CSMD3: variants seen among roughly 807,000 people sequenced by gnomAD.
The protein encoded by CSMD3 is CUB and Sushi multiple domains 3.
Under a neutral mutation model 435.2 loss-of-function variants are expected in CSMD3, and 177 were observed. The ratio of observed to expected loss-of-function variants is 0.41; its 90% CI spans 0.36 to 0.46. The LOEUF is 0.46. Among genes scored for constraint, CSMD3 ranks in the 20% least tolerant of loss-of-function variants. The pLI, the probability that CSMD3 is intolerant of heterozygous loss-of-function variation, is 0.34. For missense variants in CSMD3, 4,265 were observed against 4,504.6 expected (o/e 0.95, Z 1.52); for synonymous variants, 1,656 against 1,520.5 (o/e 1.09, Z -2.07).
Position 112,336,640 on chromosome 8 carries a change from G to A in CSMD3, c.7019+12C>T, listed in dbSNP as rs780029060. 2.2e-5 allele frequency: 35 copies of A among 1,576,950 alleles called. No homozygotes were observed. The highest frequency in any genetic ancestry group is 2.8e-5 in the Non-Finnish European group (32 of 1,146,620). ...ATAATTGAATAAATCAATAACAATAGTCCTGACTTACCATACAGTAATGAA... is the reference window on the plus strand; with the variant it reads ...ATAATTGAATAAATCAATAACAATAATCCTGACTTACCATACAGTAATGAA... On this transcript the variant is annotated intron_variant, in intron 44 of 70. Transcript: ENST00000297405.
intron 7 of CSMD3, among the ~76,000 whole-genome samples, chr8:112,972,716 T>G (rs1224910168): frequency 9.9e-5 from 15 of 151,994 alleles, no homozygotes; most frequent in Non-Finnish European, 2.2e-4. Flanking sequence ...TTATAAACAC[T>G]TATTCATTAG....
chr8:113,203,767 A>G (rs1170255249), intron 3 of CSMD3, among the ~76,000 whole-genome samples: 8 of 152,112 alleles, frequency 5.3e-5, no homozygotes, highest in Admixed American at 2.0e-4. Context: ...TGTAGATAAC[A>G]TGTACAGACT....
chr8:113,384,299 T>C (rs911594543), intron 1 of CSMD3, among the ~76,000 whole-genome samples: 4 of 152,160 alleles, frequency 2.6e-5, no homozygotes, highest in African/African-American at 7.2e-5. Flanking sequence ...ACTCAAAATA[T>C]GTTTAATAAA....
chr8:113,316,551 CTTTTT>C (rs33988841), intron 1 of CSMD3, among the ~76,000 whole-genome samples: 2 of 143,842 alleles, frequency 1.4e-5, no homozygotes, highest in African/African-American at 2.6e-5. Flanking sequence ...CAGCTATATA[CTTTTT>C]TTTTTTTTTT....
intron 41 of CSMD3, among the ~76,000 whole-genome samples, chr8:112,345,873 AAT>A (rs901833459): frequency 2.2e-4 from 33 of 152,212 alleles, no homozygotes; most frequent in African/African-American, 7.9e-4. Flanking sequence ...GTAAAAAAAA[AAT>A]ATGCCCATAT....
chr8:113,178,938 C>T (rs755799808), intron 3 of CSMD3, among the ~76,000 whole-genome samples: 17 of 151,668 alleles, frequency 1.1e-4, no homozygotes, highest in Non-Finnish European at 1.9e-4. Context: ...AATATTTGGT[C>T]GTGGGGTGCT....
At chr8:112,888,919 G>A (rs2081695336) in intron 10 of CSMD3, among the ~76,000 whole-genome samples, 1 of 151,580 alleles carries the variant, frequency 6.6e-6, no homozygotes, top group South Asian at 2.1e-4. Context: ...GAGGACTTAT[G>A]GAGTGTACAA....
intron 22 of CSMD3, among the ~76,000 whole-genome samples, 195 bp from the exon 23 acceptor site, chr8:112,587,430 T>C (rs1830827004): frequency 1.3e-5 from 2 of 151,724 alleles, no homozygotes; most frequent in Non-Finnish European, 3.0e-5. Flanking sequence ...CTACAGCCCA[T>C]GGAGAGGACA....
At chr8:112,794,028 T>C (rs2132301993) in intron 13 of CSMD3, among the ~76,000 whole-genome samples, 1 of 152,204 alleles carries the variant, frequency 6.6e-6, no homozygotes, top group African/African-American at 2.4e-5. Flanking sequence ...AAAAAAGAAG[T>C]TTATAGCCTC....
At chr8:113,431,452 G>C (rs957787289) in intron 1 of CSMD3, among the ~76,000 whole-genome samples, 1 of 152,138 alleles carries the variant, frequency 6.6e-6, no homozygotes, top group Non-Finnish European at 1.5e-5. Flanking sequence ...GGAATTCAAA[G>C]TACAAGATGG....
intron 10 of CSMD3, among the ~76,000 whole-genome samples, chr8:112,882,709 T>C (rs1182922643): frequency 6.6e-6 from 1 of 152,028 alleles, no homozygotes; most frequent in African/African-American, 2.4e-5. Flanking sequence ...CGGTTTACAT[T>C]GAACAAATAC....
chr8:112,282,636 C>G (rs1818774440), intron 58 of CSMD3, among the ~76,000 whole-genome samples: 1 of 152,048 alleles, frequency 6.6e-6, no homozygotes, highest in Non-Finnish European at 1.5e-5. Context: ...ACTGTTGTTT[C>G]TGTTCTCTTG....
intron 3 of CSMD3, among the ~76,000 whole-genome samples, chr8:113,195,460 G>C (rs1203423555): frequency 6.6e-6 from 1 of 150,642 alleles, no homozygotes; most frequent in Non-Finnish European, 1.5e-5. Flanking sequence ...TATTGAGTAG[G>C]AATGCCAGAG....
chr8:113,085,984 T>G (rs1588043253), intron 5 of CSMD3, among the ~76,000 whole-genome samples: 1 of 151,994 alleles, frequency 6.6e-6, no homozygotes, highest in Admixed American at 6.5e-5. Flanking sequence ...ATGCCTGTAA[T>G]CCCAGCACTT....
chr8:113,116,106 T>C (rs953889720), intron 4 of CSMD3, among the ~76,000 whole-genome samples: 3 of 152,120 alleles, frequency 2.0e-5, no homozygotes, highest in African/African-American at 7.2e-5. Flanking sequence ...TTTATGGTAT[T>C]TCTTATATCA....
At position 112,636,922 on chromosome 8, in the gene CSMD3, G is replaced by T. The variant is rs145008302; in HGVS notation, c.3610C>A (p.Leu1204Met). The T allele has an allele frequency of 6.2e-7, 1 of 1,613,580 alleles. No homozygotes were observed. The highest frequency in any genetic ancestry group is 1.3e-5 in the African/African-American group (1 of 74,944). ...IGFNFGIGDT[L>M]TFSCSSGYRL... ...TAACCCGAAGAGCATGAGAAGGTCA[G>T]AGTGTCACCAATCCCAAAGTTGAAC... The change falls in exon 22 of 71, where the codon CTG (leucine) becomes ATG (methionine). Residue 1204 changes from leucine (L) to methionine (M), a missense_variant. Coordinates refer to ENST00000297405, the MANE Select transcript of CSMD3 (RefSeq NM_198123.2).
intron 19 of CSMD3, 35 bp downstream of exon 19, chr8:112,650,126 A>T (rs1398422605): frequency 7.1e-7 from 1 of 1,414,862 alleles, no homozygotes; most frequent in Non-Finnish European, 1.0e-6. Context: ...TCTGTTTATA[A>T]ATCAGCATAT....
intron 13 of CSMD3, among the ~76,000 whole-genome samples, chr8:112,710,651 T>C (rs1452219512): frequency 2.0e-5 from 3 of 151,848 alleles, no homozygotes; most frequent in South Asian, 2.1e-4. Context: ...CTGAGAAAGA[T>C]GTAGTGGCCC....
At chr8:112,741,794 A>ATAGAT (rs151301351) in intron 13 of CSMD3, among the ~76,000 whole-genome samples, 120 of 149,466 alleles carry the variant, frequency 8.0e-4, no homozygotes, top group African/African-American at 2.0e-3. Flanking sequence ...AGATAGAGAG[A>ATAGAT]AGATAGATAG....
Sources: gnomAD v4.1 joint callset for allele counts (sites outside exome capture counted in the v4.1 genomes callset) on GRCh38, gnomAD v4.1.1 for gene constraint, MANE v1.5 for transcripts, NCBI Gene and HGNC (gene_info 2026-07-23, HGNC 2026-07-21) for gene names.